BRD3: variants seen among roughly 807,000 people sequenced by gnomAD.
BRD3 encodes the protein bromodomain-containing protein 3.
BRD3 carries 17 observed loss-of-function variants against 66.8 expected under a neutral mutation model. That is an observed-to-expected ratio of 0.25 (90% CI 0.17 to 0.38). The LOEUF (loss-of-function observed/expected upper bound fraction) is 0.38, where lower values mean the gene tolerates loss of function less well. BRD3 is among the 10% of genes least tolerant of loss of function. The pLI, the probability that BRD3 is intolerant of heterozygous loss-of-function variation, is 1.00. For synonymous variants in BRD3, 421 were observed against 393.2 expected, an observed-to-expected ratio of 1.07 and a Z score of -0.84; for missense variants, 713 against 956.1, an observed-to-expected ratio of 0.75 and a Z score of 3.35.
intron 1 of BRD3, chr9:134,054,108 G>C (rs1830362570): frequency 6.5e-6 from 1 of 152,722 alleles, no homozygotes; most frequent in South Asian, 2.1e-4. Flanking sequence ...ACACGGTGCG[G>C]GGAGGTGGTG....
chr9:134,042,106 G>T (rs1046369734), intron 7 of BRD3, among the ~76,000 whole-genome samples, 155 bp from the exon 8 acceptor site: 5 of 152,130 alleles, frequency 3.3e-5, no homozygotes, highest in African/African-American at 9.7e-5. Flanking sequence ...TGCCTGGGGG[G>T]CTGTGGTTGC....
In BRD3 at chr9:134,051,716, A is replaced by G. The variant is rs1034720188; in HGVS notation, c.352-7T>C. 1.3e-6 allele frequency: 2 copies of G among 1,590,960 alleles called. No homozygotes were observed. The highest frequency in any genetic ancestry group is 1.4e-5 in the African/African-American group (1 of 73,106). On this transcript the variant is annotated splice_region_variant and splice_polypyrimidine_tract_variant and intron_variant, in intron 3 of 11. Transcript: ENST00000303407. ...GCACTATGTCATCTGTGGGCTGAAGACACAGAGAGTCCAGGTCACGTGTCA... is the reference window on the plus strand; with the variant it reads ...GCACTATGTCATCTGTGGGCTGAAGGCACAGAGAGTCCAGGTCACGTGTCA...
intron 1 of BRD3, among the ~76,000 whole-genome samples, chr9:134,060,658 C>T (rs116781681): frequency 8.3e-4 from 126 of 151,790 alleles, no homozygotes; most frequent in African/African-American, 2.8e-3. Context: ...AAGTAGCCAG[C>T]GGGGAGAGGG....
At chr9:134,039,853 T>C (rs1454126814) in intron 9 of BRD3, among the ~76,000 whole-genome samples, 181 bp downstream of exon 9, 1 of 151,240 alleles carries the variant, frequency 6.6e-6, no homozygotes, top group African/African-American at 2.5e-5. Flanking sequence ...CTGAGCAGCA[T>C]CACCTGGGCC....
chr9:134,047,937 C>T, intron 6 of BRD3, 146 bp downstream of exon 6: 3 of 1,178,296 alleles, frequency 2.5e-6, no homozygotes, highest in Non-Finnish European at 3.4e-6. Context: ...ACAGCCGGCG[C>T]TGCGGGGGCC....
chr9:134,060,473 T>A (rs575504490), intron 1 of BRD3, among the ~76,000 whole-genome samples: 4 of 152,098 alleles, frequency 2.6e-5, no homozygotes, highest in Admixed American at 2.6e-4. Flanking sequence ...GCACCTAGAA[T>A]CCCAGCTATT....
In BRD3 at chr9:134,033,986, A is replaced by G. The variant is rs1843557983; in HGVS notation, c.2066-281T>C. Among the ~76,000 whole-genome samples, 1 of 152,210 alleles carries G rather than the reference A, an allele frequency of 6.6e-6. No individual in the cohort carries two copies. The highest frequency in any genetic ancestry group is 1.5e-5 in the Non-Finnish European group (1 of 68,044). On this transcript the variant is annotated intron_variant, in intron 11 of 11. Coordinates refer to ENST00000303407, the MANE Select transcript of BRD3 (RefSeq NM_007371.4). This position sits in a 1 kb window ranked among gnomAD's most constrained non-coding sequence, Gnocchi z 5.1. ...ATCCACCAGTCACATGGCCACCAGC[A>G]GCGACAGGAACACCAGCTGCTGGCG...
intron 9 of BRD3, 38 bp downstream of exon 9, chr9:134,039,996 C>T (rs201706495): frequency 2.2e-5 from 35 of 1,557,710 alleles, no homozygotes; most frequent in Non-Finnish European, 2.8e-5. Context: ...GCGTGCTGAG[C>T]GCTGGGCTCT....
rs201008197 is a variant in BRD3, at chr9:134,050,357, G to A, written c.714+17C>T. The A allele has an allele frequency of 4.7e-5, 75 of 1,603,798 alleles. No homozygotes were observed. The highest frequency in any genetic ancestry group is 4.3e-4 in the African/African-American group (32 of 74,864). On this transcript the variant is annotated intron_variant, in intron 5 of 11. Transcript: ENST00000303407. Reference sequence around the variant, plus strand: ...CCGGGCTCAGGTGCCCCACCCATCCGGACTCAGGGTGCTCACCTTGACGAC... The same window carrying A: ...CCGGGCTCAGGTGCCCCACCCATCCAGACTCAGGGTGCTCACCTTGACGAC...
At chr9:134,056,227 G>A (rs1356531538) in intron 1 of BRD3, among the ~76,000 whole-genome samples, 2 of 152,242 alleles carry the variant, frequency 1.3e-5, no homozygotes, top group Non-Finnish European at 2.9e-5. Context: ...GCCAGCATGT[G>A]CTCACTGAAT....
intron 1 of BRD3, among the ~76,000 whole-genome samples, chr9:134,065,041 T>G (rs1231435030): frequency 6.6e-6 from 1 of 152,200 alleles, no homozygotes; most frequent in Non-Finnish European, 1.5e-5. Context: ...ACCCGCAAGT[T>G]CCAAAACCTT....
In BRD3 at chr9:134,048,221, G is replaced by C. The variant is rs1830216797; in HGVS notation, c.948C>G (p.Asp316Glu). ...GKLSEHLRYC[D>E]SILREMLSKK... ...TGGATAGCATCTCCCTGAGGATGCT[G>C]TCGCAGTAGCGTAGGTGCTCCGACA... is the stretch of plus-strand genomic sequence containing the variant. Residue 316 changes from aspartate (D) to glutamate (E), a missense_variant, in exon 6 of 12, where the codon GAC (aspartate) becomes GAG (glutamate). Physicochemically the swap from Asp to Glu is conservative, Grantham distance 45. Transcript: ENST00000303407. The C allele has an allele frequency of 6.2e-7, 1 of 1,612,872 alleles. No homozygotes were observed. The highest frequency in any genetic ancestry group is 8.5e-7 in the Non-Finnish European group (1 of 1,179,876).
chr9:134,048,472 C>A lies in BRD3; in HGVS notation c.715-18G>T. On this transcript the variant is annotated intron_variant, in intron 5 of 11. Transcript: ENST00000303407. ...CCCTTTTTCTGCGACAGTGAAATAA[C>A]CAGTGAACCCCGGAAACCAGGGGCC... is the stretch of plus-strand genomic sequence containing the variant. 6.3e-7 allele frequency: 1 copy of A among 1,598,008 alleles called. No individual in the cohort carries two copies.
chr9:134,061,536 T>G (rs1389782635), intron 1 of BRD3, among the ~76,000 whole-genome samples: 3 of 152,184 alleles, frequency 2.0e-5, no homozygotes, highest in African/African-American at 7.2e-5. Context: ...AGGGGAGGCC[T>G]TTCCCAGGGG....
At chr9:134,066,883 G>A (rs1299600763) in intron 1 of BRD3, among the ~76,000 whole-genome samples, 2 of 152,208 alleles carry the variant, frequency 1.3e-5, no homozygotes, top group African/African-American at 4.8e-5. Flanking sequence ...GTCGAACGGA[G>A]GAACCCACAC....
chr9:134,051,859 G>A (rs1364395955), intron 3 of BRD3, 150 bp from the exon 4 acceptor site: 3 of 586,248 alleles, frequency 5.1e-6, no homozygotes, highest in Admixed American at 4.4e-5. Flanking sequence ...GTGTGTGTGT[G>A]TGTGTGTGTG....
At chr9:134,039,109 A>G (rs1829987516) in intron 9 of BRD3, among the ~76,000 whole-genome samples, 1 of 152,022 alleles carries the variant, frequency 6.6e-6, no homozygotes, top group Admixed American at 6.5e-5. Flanking sequence ...GCCGCCTCCC[A>G]AAGTAGTCTA....
At chr9:134,051,122 G>A (rs1371815966) in intron 4 of BRD3, among the ~76,000 whole-genome samples, 3 of 152,322 alleles carry the variant, frequency 2.0e-5, no homozygotes, top group South Asian at 2.1e-4. Flanking sequence ...ACAGCAAGAC[G>A]CGGTCTTACT....
At chr9:134,035,505 G>A (rs1843590418) in intron 10 of BRD3, among the ~76,000 whole-genome samples, 1 of 152,162 alleles carries the variant, frequency 6.6e-6, no homozygotes, top group Non-Finnish European at 1.5e-5. Context: ...ACTGACTTCA[G>A]GGAAGCCTGG....
Sources: gnomAD v4.1 joint callset for allele counts (sites outside exome capture counted in the v4.1 genomes callset) on GRCh38, gnomAD v4.1.1 for gene constraint, Gnocchi (gnomAD v3.1) non-coding constraint, MANE v1.5 for transcripts, NCBI Gene and HGNC (gene_info 2026-07-23, HGNC 2026-07-21) for gene names.